Variants in PRMT5 observed in about 807,000 individuals in gnomAD.
PRMT5 encodes protein arginine methyltransferase 5.
A neutral mutation model predicts 84.0 loss-of-function variants in PRMT5; 15 were observed. The observed-to-expected ratio is 0.18, with a 90% CI of 0.12 to 0.28. PRMT5 has a LOEUF of 0.28. Among genes scored for constraint, PRMT5 ranks in the 10% least tolerant of loss-of-function variants. The probability of loss-of-function intolerance (pLI) is 1.00; values close to 1 mark genes in which losing one functional copy is unlikely to be tolerated. For synonymous variants in PRMT5, 276 were observed against 292.4 expected (o/e 0.94, Z 0.57); for missense variants, 486 against 808.0 (o/e 0.60, Z 4.83).
At chr14:22,927,792 T>G (rs1182919985) in intron 3 of PRMT5, 132 bp from the exon 4 acceptor site, 4 of 1,141,710 alleles carry the variant, frequency 3.5e-6, no homozygotes, top group African/African-American at 3.1e-5. Flanking sequence ...ACTGCAGCCT[T>G]GACCTTCCCA....
Position 22,920,854 on chromosome 14 carries a change from G to C in PRMT5, c.*50C>G. Reference sequence around the variant, plus strand: ...ATGTACTGCACCTTCTGTACTACAGGAGCAGAACCTGAAGCTGCTTCCAAG... The same window carrying C: ...ATGTACTGCACCTTCTGTACTACAGCAGCAGAACCTGAAGCTGCTTCCAAG... On this transcript the variant is annotated 3_prime_UTR_variant, in exon 17 of 17. Coordinates refer to ENST00000324366, the MANE Select transcript of PRMT5 (RefSeq NM_006109.5). The C allele has an allele frequency of 6.2e-7, 1 of 1,611,054 alleles. No homozygotes were observed. The highest frequency in any genetic ancestry group is 8.5e-7 in the Non-Finnish European group (1 of 1,177,512).
rs1594516251 is a variant in PRMT5, at chr14:22,925,108, C to T, written c.778-68G>A. 3 of 1,530,190 alleles carry T rather than the reference C, an allele frequency of 2.0e-6. No homozygotes were observed. The East Asian group carries it at 6.8e-5, about 35-fold the overall frequency. 94.8% of individuals were successfully genotyped at this position (1,530,190 alleles called of 1,614,324 possible). On this transcript the variant is annotated intron_variant, in intron 7 of 16. Coordinates refer to ENST00000324366, the MANE Select transcript of PRMT5 (RefSeq NM_006109.5). ...GATTCTGGAATATTATGGTATATGGCCAAAGAGCCCTAGTGTAAAATAAGG... is the reference window on the plus strand; with the variant it reads ...GATTCTGGAATATTATGGTATATGGTCAAAGAGCCCTAGTGTAAAATAAGG...
Position 22,924,971 on chromosome 14 carries a change from A to G in PRMT5, c.847T>C (p.Tyr283His), listed in dbSNP as rs777547128. Residue 283 changes from tyrosine (Y) to histidine (H), a missense_variant, in exon 8 of 17, where the codon TAC (tyrosine) becomes CAC (histidine). Around this residue, in one of 4 missense-constraint regions of PRMT5, gnomAD observed 215 missense variants for 301.1 expected, o/e 0.71. Transcript: ENST00000324366. This position sits in a 1 kb window ranked among gnomAD's most constrained non-coding sequence, Gnocchi z 6.5. ...CGGTTCTGGCTTAAGTATTCCAGGT[A>G]TTGGAGGTAGGAGCAGAACTCCTTC... is the stretch of plus-strand genomic sequence containing the variant. ...SEKEFCSYLQ[Y>H]LEYLSQNRPP... 1 of 1,614,070 alleles carries G rather than the reference A, an allele frequency of 6.2e-7. No homozygotes were observed. Among genetic ancestry groups the G allele is most frequent in the East Asian group, 2.2e-5 (1 of 44,880 alleles).
At position 22,928,650 on chromosome 14, in the gene PRMT5, C is replaced by T. The variant is rs539745028; in HGVS notation, c.111-35G>A. 6.0e-6 allele frequency: 9 copies of T among 1,498,522 alleles called. No individual in the cohort carries two copies. The African/African-American group carries it at 1.1e-4, about 18-fold the overall frequency. 92.8% of individuals were successfully genotyped at this position (1,498,522 alleles called of 1,614,324 possible). A position where few individuals can be genotyped will look rare whatever the true frequency, so the allele number is the denominator to read the frequency against. On this transcript the variant is annotated intron_variant, in intron 1 of 16. Coordinates refer to ENST00000324366, the MANE Select transcript of PRMT5 (RefSeq NM_006109.5). This position sits in a 1 kb window ranked among gnomAD's most constrained non-coding sequence, Gnocchi z 4.8. ...CGACAGACCCAGAATCATGTAAAGA[C>T]AGCAGCAGTGCCAGAGAGCCAAGCA...
chr14:22,923,226 G>T lies in PRMT5; in HGVS notation c.1376-66C>A, dbSNP rs936443286. ...AATGGTATGTCTGTACTAACTGAAG[G>T]ATCAGAAGGATCAAACCTCCCATGT... On this transcript the variant is annotated intron_variant, in intron 12 of 16. Coordinates refer to ENST00000324366, the MANE Select transcript of PRMT5 (RefSeq NM_006109.5). The surrounding 1 kb of genome is among the most constrained non-coding windows in gnomAD (Gnocchi z 5.2). The T allele has an allele frequency of 1.6e-6, 2 of 1,224,230 alleles. No homozygotes were observed. Among genetic ancestry groups the T allele is most frequent in the Non-Finnish European group, 2.3e-6 (2 of 881,470 alleles). 75.8% of individuals were successfully genotyped at this position (1,224,230 alleles called of 1,614,324 possible).
chr14:22,927,002 G>C (rs534514365), intron 4 of PRMT5, 188 bp from the exon 5 acceptor site: 2 of 571,586 alleles, frequency 3.5e-6, no homozygotes, highest in Admixed American at 3.2e-5. Flanking sequence ...CTTGTCTTAC[G>C]TAAGTTTCCA....
At chr14:22,922,397 G>T (rs775940698) in intron 15 of PRMT5, 46 bp downstream of exon 15, 49 of 1,516,032 alleles carry the variant, frequency 3.2e-5, no homozygotes, top group Non-Finnish European at 4.4e-5. Flanking sequence ...AAGCTGCCCA[G>T]GAAGCACACC....
rs1317495561 is a variant in PRMT5, at chr14:22,926,818, C to A, written c.451-4G>T. 1 of 1,599,054 alleles carries A rather than the reference C, an allele frequency of 6.3e-7. No individual in the cohort carries two copies. Among genetic ancestry groups the A allele is most frequent in the Admixed American group, 1.7e-5 (1 of 60,006 alleles). On this transcript the variant is annotated splice_polypyrimidine_tract_variant and splice_region_variant and intron_variant, in intron 4 of 16. Transcript: ENST00000324366. ...CCAAGGGTACCCGCATCCAGAACTGCACATGAACAGTCACCCTTTTAGAAC... is the reference window on the plus strand; with the variant it reads ...CCAAGGGTACCCGCATCCAGAACTGAACATGAACAGTCACCCTTTTAGAAC...
chr14:22,922,649 G>T, intron 14 of PRMT5, 90 bp from the exon 15 acceptor site: 1 of 1,514,874 alleles, frequency 6.6e-7, no homozygotes, highest in Non-Finnish European at 9.2e-7. Flanking sequence ...AGGAAGAGTA[G>T]ATAAGGCAGA....
intron 6 of PRMT5, 103 bp downstream of exon 6, chr14:22,926,403 C>G (rs1374412204): frequency 6.3e-7 from 1 of 1,591,582 alleles, no homozygotes; most frequent in Admixed American, 1.7e-5. Context: ...CAGTCTGAGA[C>G]AGAGGGGAAG....
chr14:22,926,448 T>G, intron 6 of PRMT5, 58 bp downstream of exon 6: 2 of 1,602,100 alleles, frequency 1.2e-6, no homozygotes, highest in Non-Finnish European at 1.7e-6. Context: ...AAATTCCTGA[T>G]TCTTATTCAC....
chr14:22,925,569 C>T (rs2044401564), intron 7 of PRMT5, among the ~76,000 whole-genome samples: 1 of 151,950 alleles, frequency 6.6e-6, no homozygotes, highest in African/African-American at 2.4e-5. Context: ...CCTGTAATCC[C>T]AATACTTTGG....
chr14:22,926,642 C>T (rs76382363), intron 5 of PRMT5, 60 bp downstream of exon 5: 29,261 of 1,584,876 alleles, frequency 0.018, 331 homozygotes, highest in Non-Finnish European at 0.022. Context: ...ACAGGTTGCA[C>T]CCTGTACTTC....
chr14:22,922,326 C>A, intron 15 of PRMT5, 86 bp from the exon 16 acceptor site: 1 of 1,430,742 alleles, frequency 7.0e-7, no homozygotes, highest in Non-Finnish European at 9.9e-7. Flanking sequence ...TCTAATCACA[C>A]AAAGATCTCC....
rs2044454284 is a variant in PRMT5, at chr14:22,927,679, G to A, written c.316-19C>T. Reference sequence around the variant, plus strand: ...ACATGGCCTGGAACGGAGATGAAGAGGAAAAGTTTGAGCTAACAAGCAAAC... The same window carrying A: ...ACATGGCCTGGAACGGAGATGAAGAAGAAAAGTTTGAGCTAACAAGCAAAC... On this transcript the variant is annotated intron_variant, in intron 3 of 16. Coordinates refer to ENST00000324366, the MANE Select transcript of PRMT5 (RefSeq NM_006109.5). 3 of 1,601,204 alleles carry A rather than the reference G, an allele frequency of 1.9e-6. No homozygotes were observed. Among genetic ancestry groups the A allele is most frequent in the East Asian group, 2.2e-5 (1 of 44,498 alleles).
At chr14:22,921,121 G>A (rs541713745) in intron 16 of PRMT5, 65 bp from the exon 17 acceptor site, 1 of 1,573,296 alleles carries the variant, frequency 6.4e-7, no homozygotes, top group East Asian at 2.2e-5. Flanking sequence ...ATGTATTAAG[G>A]TAGGTGTGGA....
rs1025409531 is a variant in PRMT5, at chr14:22,922,094, A to G, written c.1761+82T>C. ...AGGAGAACATGAGTCATAGTCAACT[A>G]TCTTCCTGGGAGAAGGAAAGAAGCA... On this transcript the variant is annotated intron_variant, in intron 16 of 16. Transcript: ENST00000324366. The G allele has an allele frequency of 2.4e-5, 29 of 1,233,830 alleles. No homozygotes were observed. The Admixed American group carries it at 3.3e-4, about 14-fold the overall frequency. 76.4% of individuals were successfully genotyped at this position (1,233,830 alleles called of 1,614,324 possible).
Position 22,920,950 on chromosome 14 carries a change from G to T in PRMT5, c.1868C>A (p.Ser623Tyr). The change falls in exon 17 of 17, where the codon TCT (serine) becomes TAT (tyrosine). Residue 623 changes from serine to tyrosine, a missense_variant. Physicochemically the swap from Ser to Tyr is moderately radical, Grantham distance 144. Coordinates refer to ENST00000324366, the MANE Select transcript of PRMT5 (RefSeq NM_006109.5). ...GCGGCCTGTGGGGTTATGAATAGCA[G>T]AACAGACTGGTGCTGTCACAGCCCA... Reference protein sequence around the residue: ...YEWAVTAPVCSAIHNPTGRSY... With the variant: ...YEWAVTAPVCYAIHNPTGRSY... The T allele has an allele frequency of 6.2e-7, 1 of 1,614,228 alleles. No homozygotes were observed. Among genetic ancestry groups the T allele is most frequent in the Non-Finnish European group, 8.5e-7 (1 of 1,180,044 alleles).
chr14:22,922,459 A>G lies in PRMT5; in HGVS notation c.1680T>C (p.Tyr560=). Residue 560 remains tyrosine, a synonymous_variant, in exon 15 of 17, where the codon TAT becomes TAC. Coordinates refer to ENST00000324366, the MANE Select transcript of PRMT5 (RefSeq NM_006109.5). ...GACACTCACTCAGAGTGATGTCCTGATAAAGCACAGTCTCAAAGTAGCCGG... is the reference window on the plus strand; with the variant it reads ...GACACTCACTCAGAGTGATGTCCTGGTAAAGCACAGTCTCAAAGTAGCCGG... The part of the protein sequence containing the change: ...GFAGYFETVL[Y]QDITLSIRPE... 6.2e-7 allele frequency: 1 copy of G among 1,612,718 alleles called. No homozygotes were observed. Among genetic ancestry groups the G allele is most frequent in the Middle Eastern group, 1.7e-4 (1 of 6,060 alleles).
Sources: gnomAD v4.1 joint callset for allele counts (sites outside exome capture counted in the v4.1 genomes callset) on GRCh38, gnomAD v4.1.1 for gene constraint, gnomAD v4.1.1 regional missense constraint, Gnocchi (gnomAD v3.1) non-coding constraint, MANE v1.5 for transcripts, NCBI Gene and HGNC (gene_info 2026-07-23, HGNC 2026-07-21) for gene names.